The following PCDHA13 variants were observed in gnomAD, a reference collection of about 807,000 sequenced individuals.
The protein encoded by PCDHA13 is protocadherin alpha 13.
PCDHA13 carries 54 observed loss-of-function variants against 64.8 expected under a neutral mutation model. The observed-to-expected ratio is 0.83, with a 90% CI of 0.67 to 1.04. The LOEUF is 1.04. Ranked by LOEUF, PCDHA13 falls within the 50% of genes least tolerant of loss-of-function variation. PCDHA13 has a pLI of 0.00. For synonymous variants in PCDHA13, 587 were observed against 564.4 expected (o/e 1.04, Z -0.57); for missense variants, 1,248 against 1,254.3 (o/e 0.99, Z 0.08).
At chr5:140,927,641 CTG>C (rs782418145) in intron 1 of PCDHA13, 23 of 1,614,074 alleles carry the variant, frequency 1.4e-5, no homozygotes, top group Non-Finnish European at 1.4e-5. Flanking sequence ...CCCAATGGGA[CTG>C]TGTTATTCCG....
At chr5:140,933,253 A>G (rs958671776) in intron 1 of PCDHA13, among the ~76,000 whole-genome samples, 2 of 152,008 alleles carry the variant, frequency 1.3e-5, no homozygotes, top group Non-Finnish European at 2.9e-5. Context: ...TATAAACACA[A>G]AAGGTTATTA....
chr5:140,927,374 A>G (rs1026302775), intron 1 of PCDHA13: 5 of 1,614,100 alleles, frequency 3.1e-6, no homozygotes, highest in Non-Finnish European at 4.2e-6. Context: ...ATACTAAGCT[A>G]CAGCCTAAGC....
chr5:140,887,769 T>A (rs1012351831), intron 1 of PCDHA13, among the ~76,000 whole-genome samples: 23 of 152,212 alleles, frequency 1.5e-4, no homozygotes, highest in African/African-American at 5.5e-4. Flanking sequence ...TATGTTACAA[T>A]GACACAGGTC....
intron 1 of PCDHA13, among the ~76,000 whole-genome samples, chr5:140,970,860 C>T (rs2096438853): frequency 6.6e-6 from 1 of 152,054 alleles, no homozygotes; most frequent in Non-Finnish European, 1.5e-5. Context: ...AAGTTCCATT[C>T]CTGATTGAGA....
intron 3 of PCDHA13, among the ~76,000 whole-genome samples, chr5:140,999,166 A>G (rs2097849848): frequency 6.6e-6 from 1 of 152,190 alleles, no homozygotes; most frequent in South Asian, 2.1e-4. Context: ...CTAGAAGGAA[A>G]AGAGCCTGAT....
Position 140,882,976 on chromosome 5 carries a change from T to G in PCDHA13, c.708T>G (p.Asn236Lys). ...TGCTCATCACGATTCTGGACGTGAA[T>G]GACAACGCCCCGGAATTTTACCAAT... ...VQLLITILDV[N>K]DNAPEFYQSV... Residue 236 changes from asparagine (N) to lysine (K), a missense_variant, in exon 1 of 4, where the codon AAT (asparagine) becomes AAG (lysine). Asn to Lys is a moderately conservative substitution (Grantham distance 94, BLOSUM62 0). Coordinates refer to ENST00000289272, the MANE Select transcript of PCDHA13 (RefSeq NM_018904.3). 2 of 1,614,220 alleles carry G rather than the reference T, an allele frequency of 1.2e-6. No individual in the cohort carries two copies. The highest frequency in any genetic ancestry group is 1.7e-6 in the Non-Finnish European group (2 of 1,180,040).
At chr5:140,900,290 G>GT (rs1292990700) in intron 1 of PCDHA13, among the ~76,000 whole-genome samples, 2 of 151,548 alleles carry the variant, frequency 1.3e-5, no homozygotes, top group Non-Finnish European at 2.9e-5. Context: ...TTTCTTTTCT[G>GT]TTTTTTTAGA....
intron 1 of PCDHA13, chr5:140,966,700 G>T: frequency 7.3e-7 from 1 of 1,365,440 alleles, no homozygotes; most frequent in Non-Finnish European, 9.4e-7. Context: ...GGGCCCGGGC[G>T]TGGGGCACGG....
rs1207602014 is a variant in PCDHA13 at position 140,886,275 on chromosome 5, T to A, written c.2394+1613T>A. On this transcript the variant is annotated intron_variant, in intron 1 of 3. Transcript: ENST00000289272. ...ATCTCTATTTATAGATAAAATTTTT[T>A]AAAATTATTTTTATATTTATTTATT... 5.9e-5 allele frequency among the ~76,000 whole-genome samples: 9 copies of A among 152,098 alleles called. No homozygotes were observed. In the East Asian group the frequency reaches 1.5e-3, roughly 26 times the overall value.
chr5:140,928,770 C>A, intron 1 of PCDHA13: 4 of 1,614,106 alleles, frequency 2.5e-6, no homozygotes, highest in Non-Finnish European at 2.5e-6. Context: ...TAGTTCTTCC[C>A]ACTGATGCAG....
chr5:140,967,901 A>T, intron 1 of PCDHA13: 2 of 1,614,142 alleles, frequency 1.2e-6, no homozygotes, highest in African/African-American at 1.3e-5. Context: ...TGAGAATGCT[A>T]CACCCAACAC....
chr5:140,987,636 C>A (rs569411440), intron 3 of PCDHA13, among the ~76,000 whole-genome samples: 1 of 152,256 alleles, frequency 6.6e-6, no homozygotes, highest in African/African-American at 2.4e-5. Context: ...TGAGATAATG[C>A]ACACATATTG....
chr5:140,933,166 T>C (rs1447932546), intron 1 of PCDHA13, among the ~76,000 whole-genome samples: 1 of 152,002 alleles, frequency 6.6e-6, no homozygotes, highest in African/African-American at 2.4e-5. Context: ...CCAATTTTAA[T>C]TGATGGCATA....
At chr5:141,001,223 A>G (rs1349302343) in intron 3 of PCDHA13, among the ~76,000 whole-genome samples, 6 of 152,228 alleles carry the variant, frequency 3.9e-5, no homozygotes, top group Non-Finnish European at 8.8e-5. Context: ...AAGGATAGTT[A>G]CATTTAATCT....
chr5:140,961,738 G>A (rs976601916), intron 1 of PCDHA13, among the ~76,000 whole-genome samples: 2 of 152,118 alleles, frequency 1.3e-5, no homozygotes, highest in African/African-American at 4.8e-5. Flanking sequence ...AATCACTTTA[G>A]TAATATTACA....
rs569728778 is a variant in PCDHA13 at position 140,900,297 on chromosome 5, T to G, written c.2394+15635T>G. 1.4e-4 allele frequency among the ~76,000 whole-genome samples: 22 copies of G among 151,920 alleles called. No individual in the cohort carries two copies. In the East Asian group the frequency reaches 4.1e-3, roughly 28 times the overall value. On this transcript the variant is annotated intron_variant, in intron 1 of 3. Transcript: ENST00000289272. Reference sequence around the variant, plus strand: ...TACCACACTTTCTTTTCTGTTTTTTTAGACAGTCTCACTTTTGTCGCCCAG... The same window carrying G: ...TACCACACTTTCTTTTCTGTTTTTTGAGACAGTCTCACTTTTGTCGCCCAG...
At chr5:140,896,858 A>C (rs1448787828) in intron 1 of PCDHA13, among the ~76,000 whole-genome samples, 3 of 152,192 alleles carry the variant, frequency 2.0e-5, no homozygotes, top group Non-Finnish European at 4.4e-5. Context: ...TGGGTACATA[A>C]TAAGTGTACA....
chr5:141,007,755 CTT>C (rs2098344346), intron 3 of PCDHA13, among the ~76,000 whole-genome samples: 1 of 152,170 alleles, frequency 6.6e-6, no homozygotes, highest in Non-Finnish European at 1.5e-5. Context: ...ACTTTGGACT[CTT>C]ATTGGCCTGG....
chr5:141,000,913 A>G (rs967026969), intron 3 of PCDHA13, among the ~76,000 whole-genome samples: 1 of 152,218 alleles, frequency 6.6e-6, no homozygotes, highest in African/African-American at 2.4e-5. Context: ...GTCTCTAAAA[A>G]AAAAAATCCT....
Sources: allele counts gnomAD v4.1 joint callset (sites outside exome capture counted in the v4.1 genomes callset), GRCh38; gene constraint gnomAD v4.1.1; transcripts MANE v1.5; gene names NCBI Gene and HGNC (gene_info 2026-07-23, HGNC 2026-07-21).